BCOR: variants seen among roughly 807,000 people sequenced by gnomAD.
The protein encoded by BCOR is BCL6 corepressor, also known as BCL-6 corepressor.
Under a neutral mutation model 86.7 loss-of-function variants are expected in BCOR, and 10 were observed. The ratio of observed to expected loss-of-function variants is 0.12; its 90% CI spans 0.07 to 0.20. The LOEUF is 0.20. BCOR is among the 10% of genes least tolerant of loss of function. BCOR has a pLI of 1.00. For synonymous variants in BCOR, 611 were observed against 609.0 expected (o/e 1.00, Z -0.05); for missense variants, 1,259 against 1,452.1 (o/e 0.87, Z 2.16).
At chrX:40,136,998 C>A (rs1179017370) in intron 1 of BCOR, among the ~76,000 whole-genome samples, 1 of 111,677 alleles carries the variant, frequency 9.0e-6, no homozygotes, top group Admixed American at 9.5e-5. Flanking sequence ...CAAGACGCAG[C>A]TAAATTTCTG....
intron 1 of BCOR, among the ~76,000 whole-genome samples, chrX:40,095,769 C>T (rs770139159): frequency 2.0e-4 from 20 of 99,392 alleles, no homozygotes; most frequent in African/African-American, 7.1e-4. Context: ...ACGCCGGCGG[C>T]GCGCGCCCTG....
intron 1 of BCOR, among the ~76,000 whole-genome samples, chrX:40,157,313 G>A (rs1329851660): frequency 1.8e-5 from 2 of 111,924 alleles, no homozygotes; most frequent in African/African-American, 3.3e-5. Context: ...GACCACAGAG[G>A]ATTAGGCCCA....
chrX:40,106,249 CGTT>C lies in BCOR; in HGVS notation c.-40-28283_-40-28281del, dbSNP rs1344990516. 3.7e-5 allele frequency among the ~76,000 whole-genome samples: 4 copies of C among 109,197 alleles called. No homozygotes were observed. The East Asian group carries it at 1.2e-3, about 33-fold the overall frequency. 94.8% of individuals were successfully genotyped at this position (109,197 alleles called of 115,157 possible). A position where few individuals can be genotyped will look rare whatever the true frequency, so the allele number is the denominator to read the frequency against. ...TGGCCCAGGGCCCGGCCCGGGAAGG[CGTT>C]GTTTTGCCAGCGGGAGCCGAGCGAG... On this transcript the variant is annotated intron_variant, in intron 1 of 14. Coordinates refer to the BCOR transcript ENST00000342274.
chrX:40,172,959 C>T (rs897696673), intron 1 of BCOR, among the ~76,000 whole-genome samples: 2 of 112,867 alleles, frequency 1.8e-5, no homozygotes, highest in South Asian at 7.2e-4. Context: ...GCCAGGGGGG[C>T]CTTTGCATTG....
chrX:40,161,827 C>T (rs1415139032), intron 1 of BCOR, among the ~76,000 whole-genome samples: 1 of 112,038 alleles, frequency 8.9e-6, no homozygotes, highest in African/African-American at 3.2e-5. Flanking sequence ...TAGGGTCTTG[C>T]ACTCAAACAC....
At chrX:40,117,522 G>A (rs994704230) in intron 1 of BCOR, among the ~76,000 whole-genome samples, 1 of 106,851 alleles carries the variant, frequency 9.4e-6, no homozygotes, top group Admixed American at 9.7e-5. Flanking sequence ...ACCCAGCAAA[G>A]ATAAATAGAA....
rs774430243 is a variant in BCOR at position 40,158,284 on chromosome X, G to A, written c.-41+18723C>T. On this transcript the variant is annotated intron_variant, in intron 1 of 14. Transcript: ENST00000342274. ...ACAGCGCGCGCCCCGGCTGACACGG[G>A]GCTGTCGCCGCTTCTCCCCCGGACG... Among the ~76,000 whole-genome samples the A allele has an allele frequency of 2.7e-5, 3 of 112,466 alleles. No homozygotes were observed. In the South Asian group the frequency reaches 1.1e-3, roughly 40 times the overall value.
Position 40,054,051 on chromosome X carries a change from G to A in BCOR, c.4820-9C>T, listed in dbSNP as rs2146866333. On this transcript the variant is annotated splice_polypyrimidine_tract_variant and intron_variant, in intron 13 of 14. Coordinates refer to ENST00000378444, the MANE Select transcript of BCOR (RefSeq NM_001123385.2). Reference sequence around the variant, plus strand: ...ACTTTCATCATCTGGTTCTAATGGAGGGCAAATAAGAGAGGAAGGAATCAG... The same window carrying A: ...ACTTTCATCATCTGGTTCTAATGGAAGGCAAATAAGAGAGGAAGGAATCAG... 1 of 1,209,760 alleles carries A rather than the reference G, an allele frequency of 8.3e-7. No individual in the cohort carries two copies. Among genetic ancestry groups the A allele is most frequent in the Non-Finnish European group, 1.1e-6 (1 of 894,059 alleles).
chrX:40,054,385 A>G (rs1934482820), intron 12 of BCOR, 52 bp from the exon 13 acceptor site: 2 of 1,013,037 alleles, frequency 2.0e-6, no homozygotes, highest in African/African-American at 3.7e-5. Context: ...GCTGAGAACA[A>G]AATGATGGCA....
At chrX:40,172,467 C>G (rs1014995461) in intron 1 of BCOR, among the ~76,000 whole-genome samples, 1 of 113,458 alleles carries the variant, frequency 8.8e-6, no homozygotes, top group East Asian at 2.8e-4. Context: ...AGCACACAAC[C>G]GCCACGGGCT....
At chrX:40,080,802 A>G (rs1184177045) in intron 1 of BCOR, among the ~76,000 whole-genome samples, 3 of 99,622 alleles carry the variant, frequency 3.0e-5, no homozygotes, top group Non-Finnish European at 6.1e-5. Flanking sequence ...AGGCTAGCAG[A>G]GCGGTTCACT....
intron 1 of BCOR, among the ~76,000 whole-genome samples, chrX:40,162,088 C>T (rs895985671): frequency 5.4e-5 from 6 of 111,585 alleles, no homozygotes; most frequent in Non-Finnish European, 1.1e-4. Context: ...ATAGGCCTAC[C>T]GCGCCAACAT....
chrX:40,158,094 T>C (rs1938333176), intron 1 of BCOR, among the ~76,000 whole-genome samples: 1 of 111,926 alleles, frequency 8.9e-6, no homozygotes, highest in African/African-American at 3.2e-5. Context: ...TCCCCGCTGG[T>C]CCCCTGTCCA....
chrX:40,132,204 G>A lies in BCOR; in HGVS notation c.-41+44803C>T, dbSNP rs137939264. On this transcript the variant is annotated intron_variant, in intron 1 of 14. Transcript: ENST00000342274. ...AGTGTGCCATCTCGGATATCCTTCCGATGGCTGCAGCCCCTGTTGATGTGT... is the reference window on the plus strand; with the variant it reads ...AGTGTGCCATCTCGGATATCCTTCCAATGGCTGCAGCCCCTGTTGATGTGT... Among the ~76,000 whole-genome samples the A allele has an allele frequency of 8.0e-5, 9 of 112,025 alleles. No homozygotes were observed. In the East Asian group the frequency reaches 2.5e-3, roughly 31 times the overall value.
At position 40,171,793 on chromosome X, in the gene BCOR, AAC is replaced by A. The variant is rs759337585; in HGVS notation, c.-41+5212_-41+5213del. Among the ~76,000 whole-genome samples, 11 of 113,407 alleles carry A rather than the reference AAC, an allele frequency of 9.7e-5. No homozygotes were observed. The Admixed American group carries it at 1.0e-3, about 10-fold the overall frequency. On this transcript the variant is annotated intron_variant, in intron 1 of 14. Transcript: ENST00000342274. ...CAACCCGGAGAGGGAGCCGGAAAGA[AAC>A]ACTTAATCACCGGCGTCTCGCTGCT...
At chrX:40,079,375 G>C (rs1935972025) in intron 1 of BCOR, among the ~76,000 whole-genome samples, 1 of 112,325 alleles carries the variant, frequency 8.9e-6, no homozygotes, top group Admixed American at 9.4e-5. Flanking sequence ...TCTTCTGTGA[G>C]AGTGACTGAG....
chrX:40,146,949 G>A (rs1187878854), intron 1 of BCOR, among the ~76,000 whole-genome samples: 1 of 112,217 alleles, frequency 8.9e-6, no homozygotes, highest in Non-Finnish European at 1.9e-5. Context: ...GAGTTGGACC[G>A]TGTTTCCGCC....
upstream of BCOR, among the ~76,000 whole-genome samples, chrX:40,098,355 G>C (rs1936993315): frequency 9.1e-6 from 1 of 109,316 alleles, no homozygotes; most frequent in East Asian, 3.0e-4. Context: ...CCCCTCCCCA[G>C]CTCGGGCCGA....
intron 1 of BCOR, among the ~76,000 whole-genome samples, chrX:40,123,795 T>TTGTGTGTGTGTGTG (rs59910543): frequency 3.8e-5 from 4 of 104,015 alleles, no homozygotes; most frequent in Admixed American, 2.1e-4. Context: ...GGTTTCCTGG[T>TTGTGTGTGTGTGTG]TGTGTGTGTG....
Sources: allele counts gnomAD v4.1 joint callset (sites outside exome capture counted in the v4.1 genomes callset), GRCh38; gene constraint gnomAD v4.1.1; transcripts MANE v1.5; gene names NCBI Gene and HGNC (gene_info 2026-07-23, HGNC 2026-07-21).